Variants in ABTB2 observed in about 807,000 individuals in gnomAD.
The protein encoded by ABTB2 is ankyrin repeat and BTB/POZ domain-containing protein 2.
A neutral mutation model predicts 104.1 loss-of-function variants in ABTB2; 56 were observed. The observed-to-expected ratio is 0.54, with a 90% CI of 0.43 to 0.67. ABTB2 has a LOEUF of 0.67. Ranked by LOEUF, ABTB2 falls within the 30% of genes least tolerant of loss-of-function variation. The pLI, the probability that ABTB2 is intolerant of heterozygous loss-of-function variation, is 0.00. For synonymous variants in ABTB2, 606 were observed against 608.2 expected (o/e 1.00, Z 0.05); for missense variants, 1,279 against 1,407.7 (o/e 0.91, Z 1.46).
At chr11:34,171,936 C>A (rs569969287) in intron 4 of ABTB2, among the ~76,000 whole-genome samples, 1 of 152,126 alleles carries the variant, frequency 6.6e-6, no homozygotes, top group Non-Finnish European at 1.5e-5. Context: ...TTATAGGGGG[C>A]GCATCACAGA....
intron 1 of ABTB2, among the ~76,000 whole-genome samples, chr11:34,230,631 A>G (rs1270730786): frequency 6.6e-6 from 1 of 151,988 alleles, no homozygotes; most frequent in Non-Finnish European, 1.5e-5. Context: ...CATTTATTTG[A>G]CTGTTTATAA....
rs1234053948 is a variant in ABTB2, at chr11:34,252,970, C to A, written c.884-48280G>T. 6.6e-6 allele frequency among the ~76,000 whole-genome samples: 1 copy of A among 152,132 alleles called. No individual in the cohort carries two copies. The highest frequency in any genetic ancestry group is 1.5e-5 in the Non-Finnish European group (1 of 68,024). ...TTGGCAGCTGCCCTTGGTGGAGAAACCTACGTGTGCTAGCCCCTAGGTCCC... is the reference window on the plus strand; with the variant it reads ...TTGGCAGCTGCCCTTGGTGGAGAAAACTACGTGTGCTAGCCCCTAGGTCCC... On this transcript the variant is annotated intron_variant, in intron 1 of 16. Transcript: ENST00000435224. The surrounding 1 kb of genome is among the most constrained non-coding windows in gnomAD (Gnocchi z 5.5).
chr11:34,170,808 CA>C (rs1852862443), intron 5 of ABTB2, 97 bp downstream of exon 5: 1 of 1,460,474 alleles, frequency 6.8e-7, no homozygotes, highest in Admixed American at 2.1e-5. Context: ...CAGAGCTGAG[CA>C]AATCTCAGGG....
At chr11:34,165,396 GC>G (rs1852785743) in intron 7 of ABTB2, 40 bp from the exon 8 acceptor site, 1 of 1,540,388 alleles carries the variant, frequency 6.5e-7, no homozygotes. Flanking sequence ...GCTCAGCGTG[GC>G]AGGGAGCACC....
At chr11:34,192,613 T>C (rs925783022) in intron 3 of ABTB2, among the ~76,000 whole-genome samples, 7 of 152,230 alleles carry the variant, frequency 4.6e-5, no homozygotes, top group Admixed American at 6.5e-5. Flanking sequence ...GGAGACGTGC[T>C]GTGCAGGGCT....
intron 1 of ABTB2, among the ~76,000 whole-genome samples, chr11:34,316,102 G>A (rs1198575154): frequency 1.3e-5 from 2 of 152,332 alleles, no homozygotes; most frequent in Non-Finnish European, 2.9e-5. Context: ...TAAAAATGCC[G>A]ATGTTCCTCT....
At chr11:34,352,387 C>T (rs997425062) in intron 1 of ABTB2, among the ~76,000 whole-genome samples, 8 of 152,194 alleles carry the variant, frequency 5.3e-5, no homozygotes, top group African/African-American at 7.2e-5. Context: ...GTCACACCAT[C>T]CCATTACCCT....
intron 1 of ABTB2, among the ~76,000 whole-genome samples, chr11:34,307,329 G>A (rs966274151): frequency 2.6e-5 from 4 of 152,238 alleles, no homozygotes; most frequent in Admixed American, 1.3e-4. Flanking sequence ...GAACTGAGAA[G>A]TGACCAGCCA....
intron 6 of ABTB2, 101 bp from the exon 7 acceptor site, chr11:34,167,461 G>C: frequency 1.1e-6 from 1 of 941,426 alleles, no homozygotes; most frequent in Non-Finnish European, 1.6e-6. Flanking sequence ...TTCTACATTC[G>C]ATTGATAATG....
intron 1 of ABTB2, among the ~76,000 whole-genome samples, chr11:34,230,720 T>G (rs1042867489): frequency 1.3e-5 from 2 of 152,186 alleles, no homozygotes; most frequent in Non-Finnish European, 1.5e-5. Context: ...AGGCTTACAG[T>G]GCCTCTTCCA....
At chr11:34,316,689 T>A (rs952408413) in intron 1 of ABTB2, among the ~76,000 whole-genome samples, 8 of 151,506 alleles carry the variant, frequency 5.3e-5, no homozygotes, top group East Asian at 3.9e-4. Flanking sequence ...AATATGTTTT[T>A]AAAAAAAAAT....
chr11:34,164,311 C>T lies in ABTB2; in HGVS notation c.1988+375G>A, dbSNP rs560144698. Among the ~76,000 whole-genome samples the T allele has an allele frequency of 3.9e-5, 6 of 152,294 alleles. No individual in the cohort carries two copies. The East Asian group carries it at 1.2e-3, about 29-fold the overall frequency. On this transcript the variant is annotated intron_variant, in intron 9 of 16. Coordinates refer to ENST00000435224, the MANE Select transcript of ABTB2 (RefSeq NM_145804.3). ...ACCAGAAGCCTCTGCACAGCTGAGC[C>T]GTATGCTATTTGGACGTCCAAGGCC...
rs146982107 is a variant in ABTB2 at position 34,264,509 on chromosome 11, G to A, written c.884-59819C>T. 1.4e-3 allele frequency among the ~76,000 whole-genome samples: 218 copies of A among 152,328 alleles called. 1 individual carries two copies. The highest frequency in any genetic ancestry group is 5.0e-3 in the African/African-American group (209 of 41,560). ...TACTCGAGGGAGACCTTTCAAACTT[G>A]CTCAGAAAATCTGATTTTCTTTGAC... On this transcript the variant is annotated intron_variant, in intron 1 of 16. Transcript: ENST00000435224.
intron 1 of ABTB2, among the ~76,000 whole-genome samples, chr11:34,226,576 C>T (rs916113105): frequency 4.6e-5 from 7 of 152,178 alleles, no homozygotes; most frequent in South Asian, 2.1e-4. Context: ...GGACCATGCT[C>T]CTCACAACTC....
At chr11:34,315,548 G>C (rs1001424604) in intron 1 of ABTB2, among the ~76,000 whole-genome samples, 1 of 152,112 alleles carries the variant, frequency 6.6e-6, no homozygotes. Flanking sequence ...TGATTCCAGG[G>C]ATGTGTTCTG....
rs774962753 is a variant in ABTB2 at position 34,173,223 on chromosome 11, G to A, written c.1329C>T (p.Asp443=). The change falls in exon 4 of 17, where the codon GAC becomes GAT. Residue 443 remains aspartate (D), a synonymous_variant. Coordinates refer to ENST00000435224, the MANE Select transcript of ABTB2 (RefSeq NM_145804.3). Reference sequence around the variant, plus strand: ...GGGCTGCCTGCCGGATGTCGCCGCTGTCCACGGTGAGGCTGCGGCGGTGCT... The same window carrying A: ...GGGCTGCCTGCCGGATGTCGCCGCTATCCACGGTGAGGCTGCGGCGGTGCT... The part of the protein sequence containing the change: ...YAEHRRSLTV[D]SGDIRQAARL... 6.2e-7 allele frequency: 1 copy of A among 1,613,612 alleles called. No homozygotes were observed. The highest frequency in any genetic ancestry group is 2.2e-5 in the East Asian group (1 of 44,874).
chr11:34,162,828 A>C, intron 9 of ABTB2, 23 bp from the exon 10 acceptor site: 1 of 1,582,098 alleles, frequency 6.3e-7, no homozygotes, highest in Non-Finnish European at 8.5e-7. Flanking sequence ...GGATGAATGA[A>C]GGTGAGGGCT....
intron 3 of ABTB2, among the ~76,000 whole-genome samples, chr11:34,179,649 C>A (rs1300017625): frequency 6.6e-6 from 1 of 152,152 alleles, no homozygotes; most frequent in Non-Finnish European, 1.5e-5. Flanking sequence ...TTGGGCAGAT[C>A]GTCATCCTCT....
intron 1 of ABTB2, among the ~76,000 whole-genome samples, chr11:34,243,029 A>G (rs759162732): frequency 7.2e-5 from 11 of 152,130 alleles, no homozygotes; most frequent in Non-Finnish European, 1.3e-4. Flanking sequence ...CACCTCACTG[A>G]CAGTCCGAAT....
Sources: allele counts gnomAD v4.1 joint callset (sites outside exome capture counted in the v4.1 genomes callset), GRCh38; gene constraint gnomAD v4.1.1; non-coding constraint Gnocchi (gnomAD v3.1); transcripts MANE v1.5; gene names NCBI Gene and HGNC (gene_info 2026-07-23, HGNC 2026-07-21).